Variants in TNRC18 observed in about 807,000 individuals in gnomAD.
TNRC18 encodes trinucleotide repeat-containing gene 18 protein.
A neutral mutation model predicts 226.7 loss-of-function variants in TNRC18; 69 were observed. The observed-to-expected ratio is 0.30, with a 90% CI of 0.25 to 0.37. The LOEUF (loss-of-function observed/expected upper bound fraction) is 0.37. Ranked by LOEUF, TNRC18 falls within the 10% of genes least tolerant of loss-of-function variation. The pLI is 1.00. For missense variants in TNRC18, 4,754 were observed against 4,256.6 expected (o/e 1.12, Z -3.25); for synonymous variants, 2,449 against 1,927.6 (o/e 1.27, Z -7.09).
Position 5,361,580 on chromosome 7 carries a change from G to T in TNRC18, c.4661+14C>A. The T allele has an allele frequency of 6.7e-7, 1 of 1,499,536 alleles. No individual in the cohort carries two copies. Among genetic ancestry groups the T allele is most frequent in the East Asian group, 2.6e-5 (1 of 39,064 alleles). 92.9% of individuals were successfully genotyped at this position (1,499,536 alleles called of 1,614,324 possible). A position where few individuals can be genotyped will look rare whatever the true frequency, so the allele number is the denominator to read the frequency against. On this transcript the variant is annotated intron_variant, in intron 14 of 29. Coordinates refer to ENST00000430969, the MANE Select transcript of TNRC18 (RefSeq NM_001080495.3). ...TGTGTGCCAGTCCCCGACCCACCGA[G>T]GGGCCAGCCTTACTTTCCGCTACTG...
In TNRC18 at chr7:5,359,592, G is replaced by A. The variant is rs755710361; in HGVS notation, c.4662-23C>T. 1.1e-5 allele frequency: 18 copies of A among 1,612,452 alleles called. No homozygotes were observed. The African/African-American group carries it at 2.3e-4, about 20-fold the overall frequency. Reference sequence around the variant, plus strand: ...AGCCTGAAACGCAGACACACTGCCGGTCAGCACCCTGGCCAGACAAGGCTC... The same window carrying A: ...AGCCTGAAACGCAGACACACTGCCGATCAGCACCCTGGCCAGACAAGGCTC... On this transcript the variant is annotated intron_variant, in intron 14 of 29. Coordinates refer to ENST00000430969, the MANE Select transcript of TNRC18 (RefSeq NM_001080495.3).
chr7:5,370,191 T>C (rs943283643), intron 11 of TNRC18, among the ~76,000 whole-genome samples, 184 bp downstream of exon 11: 11 of 151,862 alleles, frequency 7.2e-5, no homozygotes, highest in Non-Finnish European at 1.3e-4. Flanking sequence ...GGCATGGTGG[T>C]GGACGCCTGT....
intron 2 of TNRC18, among the ~76,000 whole-genome samples, chr7:5,418,542 G>T (rs750383156): frequency 2.1e-4 from 32 of 152,144 alleles, no homozygotes; most frequent in Non-Finnish European, 3.7e-4. Flanking sequence ...GGCTTTATAA[G>T]CCCTGACAGC....
chr7:5,334,632 C>G (rs1789902189), intron 18 of TNRC18, among the ~76,000 whole-genome samples: 1 of 152,136 alleles, frequency 6.6e-6, no homozygotes, highest in Admixed American at 6.5e-5. Context: ...TGCAAGGAGG[C>G]AGCAAGGGGC....
At chr7:5,401,875 G>A (rs1014247902) in intron 2 of TNRC18, among the ~76,000 whole-genome samples, 19 of 152,114 alleles carry the variant, frequency 1.2e-4, no homozygotes, top group African/African-American at 3.6e-4. Context: ...ACCGCCGGGA[G>A]CTTAAGAACG....
At chr7:5,331,722 C>T (rs976149910) in intron 19 of TNRC18, among the ~76,000 whole-genome samples, 2 of 152,210 alleles carry the variant, frequency 1.3e-5, no homozygotes, top group Admixed American at 6.5e-5. Context: ...CCAGCCTGGG[C>T]AATGCAGCAA....
At chr7:5,352,230 G>T in intron 16 of TNRC18, 136 bp from the exon 17 acceptor site, 1 of 905,166 alleles carries the variant, frequency 1.1e-6, no homozygotes, top group Non-Finnish European at 1.6e-6. Context: ...GTAGGCGGCC[G>T]TACAAAGGCC....
intron 18 of TNRC18, 45 bp downstream of exon 18, chr7:5,345,517 G>GGGGGGGGGGCCCCCCCACCCCCCCC: frequency 2.6e-6 from 1 of 377,744 alleles, no homozygotes; most frequent in South Asian, 4.4e-5. Flanking sequence ...AATGGCGTCC[G>GGGGGGGGGGCCCCCCCACCCCCCCC]CCCCTCCCAC....
At chr7:5,385,681 CA>C (rs1159358451) in intron 5 of TNRC18, among the ~76,000 whole-genome samples, 121 of 132,350 alleles carry the variant, frequency 9.1e-4, no homozygotes, top group Admixed American at 8.5e-4. Context: ...AGACTCCATC[CA>C]AAAAAAAAAA....
rs1472586877 is a variant in TNRC18 at position 5,332,731 on chromosome 7, G to A, written c.6038C>T (p.Ala2013Val). 5 of 1,523,420 alleles carry A rather than the reference G, an allele frequency of 3.3e-6. No homozygotes were observed. The highest frequency in any genetic ancestry group is 1.2e-5 in the South Asian group (1 of 82,908). 94.4% of individuals were successfully genotyped at this position (1,523,420 alleles called of 1,614,324 possible). A position where few individuals can be genotyped will look rare whatever the true frequency, so the allele number is the denominator to read the frequency against. Residue 2013 changes from alanine to valine, a missense_variant, in exon 19 of 30, where the codon GCG (alanine) becomes GTG (valine). By Grantham distance (64) the Ala-to-Val change is moderately conservative. Transcript: ENST00000430969. ...FLHDASAAAP[A>V]PVSTAPATKT... ...GGTGGCGGGCGCGGTGCTGACGGGC[G>A]CAGGTGCAGCAGCCGAGGCGTCGTG...
intron 3 of TNRC18, among the ~76,000 whole-genome samples, chr7:5,391,784 C>G (rs1367608286): frequency 6.7e-6 from 1 of 148,676 alleles, no homozygotes; most frequent in Non-Finnish European, 1.5e-5. Context: ...ATTGCTTGAG[C>G]CCAGGAGTTT....
chr7:5,399,527 T>TA (rs1455900638), intron 2 of TNRC18, among the ~76,000 whole-genome samples: 1 of 151,014 alleles, frequency 6.6e-6, no homozygotes, highest in Non-Finnish European at 1.5e-5. Context: ...GCAGACATGG[T>TA]AAAACCCCAT....
intron 21 of TNRC18, among the ~76,000 whole-genome samples, chr7:5,322,309 T>C (rs969492053): frequency 5.9e-5 from 9 of 151,710 alleles, no homozygotes; most frequent in African/African-American, 2.2e-4. Context: ...ATCATCATCA[T>C]GATGTCAGAG....
intron 21 of TNRC18, among the ~76,000 whole-genome samples, chr7:5,321,419 C>A (rs979569136): frequency 6.6e-6 from 1 of 152,108 alleles, no homozygotes; most frequent in Non-Finnish European, 1.5e-5. Context: ...CTCCTCCTAG[C>A]CCCCTCCCCT....
chr7:5,361,902 G>C lies in TNRC18; in HGVS notation c.4527C>G (p.Asp1509Glu). ...CGGGCGGGGGACACACTCACTCGGAGTCCCGGCGGCGCTGCAGCTTCACCA... is the reference window on the plus strand; with the variant it reads ...CGGGCGGGGGACACACTCACTCGGACTCCCGGCGGCGCTGCAGCTTCACCA... ...RELVKLQRRR[D>E]SEDRREEPHR... Residue 1509 changes from aspartate (D) to glutamate (E), a missense_variant, in exon 13 of 30, where the codon GAC (aspartate) becomes GAG (glutamate). Coordinates refer to ENST00000430969, the MANE Select transcript of TNRC18 (RefSeq NM_001080495.3). 1 of 1,564,436 alleles carries C rather than the reference G, an allele frequency of 6.4e-7. No homozygotes were observed. The highest frequency in any genetic ancestry group is 8.6e-7 in the Non-Finnish European group (1 of 1,156,830).
intron 11 of TNRC18, among the ~76,000 whole-genome samples, chr7:5,370,042 G>A (rs188411117): frequency 1.8e-3 from 280 of 152,148 alleles, no homozygotes; most frequent in African/African-American, 6.2e-3. Context: ...CGGGCACAGC[G>A]AGCGACTCAC....
intron 2 of TNRC18, among the ~76,000 whole-genome samples, chr7:5,409,829 A>T (rs1781727305): frequency 6.7e-6 from 1 of 149,306 alleles, no homozygotes; most frequent in South Asian, 2.1e-4. Context: ...AAAAAAAAAA[A>T]AAATACAAAA....
rs773527139 is a variant in TNRC18, at chr7:5,312,485, G to A, written c.8388+18C>T. The A allele has an allele frequency of 1.7e-5, 27 of 1,607,908 alleles. No homozygotes were observed. Among genetic ancestry groups the A allele is most frequent in the Admixed American group, 5.0e-5 (3 of 59,600 alleles). On this transcript the variant is annotated intron_variant, in intron 27 of 29. Coordinates refer to ENST00000430969, the MANE Select transcript of TNRC18 (RefSeq NM_001080495.3). The surrounding 1 kb of genome is among the most constrained non-coding windows in gnomAD (Gnocchi z 6.3). ...GGCCCCCGGCCCCTCGGCCGTGCCC[G>A]GGCGCGAGCTTGCTCACCTGGGTGG...
At chr7:5,403,534 G>A (rs1052054022) in intron 2 of TNRC18, among the ~76,000 whole-genome samples, 1 of 152,122 alleles carries the variant, frequency 6.6e-6, no homozygotes, top group Non-Finnish European at 1.5e-5. Flanking sequence ...GCTCACACCT[G>A]TCAATCCTAG....
Sources: gnomAD v4.1 joint callset for allele counts (sites outside exome capture counted in the v4.1 genomes callset) on GRCh38, gnomAD v4.1.1 for gene constraint, Gnocchi (gnomAD v3.1) non-coding constraint, MANE v1.5 for transcripts, NCBI Gene and HGNC (gene_info 2026-07-23, HGNC 2026-07-21) for gene names.